LIPA: variants seen among roughly 807,000 people sequenced by gnomAD.
LIPA encodes the protein lipase A, lysosomal acid type.
In LIPA, 26 loss-of-function variants were observed where a neutral mutation model predicts 40.6. The ratio of observed to expected loss-of-function variants is 0.64; its 90% CI spans 0.47 to 0.89. LIPA has a LOEUF of 0.89. Among genes scored for constraint, LIPA ranks in the 40% least tolerant of loss-of-function variants. The pLI is 0.00. For missense variants in LIPA, 455 were observed against 479.6 expected, an observed-to-expected ratio of 0.95 and a Z score of 0.48; for synonymous variants, 188 against 168.4, an observed-to-expected ratio of 1.12 and a Z score of -0.90.
intron 2 of LIPA, among the ~76,000 whole-genome samples, chr10:89,386,467 C>G (rs1440067072): frequency 1.3e-5 from 2 of 152,212 alleles, no homozygotes; most frequent in African/African-American, 4.8e-5. Flanking sequence ...TGACTTTTCC[C>G]TGTAAACAAG....
At chr10:89,403,748 A>C (rs754156662) in intron 2 of LIPA, 1 of 1,131,218 alleles carries the variant, frequency 8.8e-7, no homozygotes, top group Non-Finnish European at 1.3e-6. Flanking sequence ...ATTTCATTTC[A>C]TTTTATGCTA....
intron 2 of LIPA, among the ~76,000 whole-genome samples, chr10:89,361,875 CTTTTTTTTTTTTTTTTTTTTTTT>C (rs59818683): frequency 2.7e-4 from 11 of 40,410 alleles, no homozygotes; most frequent in Admixed American, 9.0e-4. Context: ...CTCCACCTGC[CTTTTTTTTTTTTTTTTTTTTTTT>C]TTTTTTTTTT....
intron 1 of LIPA, among the ~76,000 whole-genome samples, chr10:89,310,578 T>C (rs1277288812): frequency 6.6e-6 from 1 of 152,090 alleles, no homozygotes; most frequent in Non-Finnish European, 1.5e-5. Flanking sequence ...ACCTCATTGC[T>C]GATTATCTAC....
intron 2 of LIPA, among the ~76,000 whole-genome samples, chr10:89,389,025 C>T (rs772358861): frequency 1.3e-5 from 2 of 152,010 alleles, no homozygotes; most frequent in Non-Finnish European, 2.9e-5. Context: ...TCTCAGAAGC[C>T]AAGAAAATAG....
intron 2 of LIPA, among the ~76,000 whole-genome samples, chr10:89,395,734 T>A (rs75037873): frequency 0.01 from 1,523 of 152,166 alleles, 24 homozygotes; most frequent in African/African-American, 0.035. Context: ...ATTGTAAATA[T>A]CCATGACCAA....
At chr10:89,407,619 C>T (rs569764679) in intron 2 of LIPA, among the ~76,000 whole-genome samples, 5 of 152,204 alleles carry the variant, frequency 3.3e-5, no homozygotes, top group Non-Finnish European at 7.3e-5. Context: ...ACGCTTCCAA[C>T]TCTGGAGCTC....
intron 1 of LIPA, among the ~76,000 whole-genome samples, chr10:89,295,813 A>G (rs769322640): frequency 6.6e-6 from 1 of 152,258 alleles, no homozygotes; most frequent in Non-Finnish European, 1.5e-5. Flanking sequence ...CAAAATAGAA[A>G]TAACACCAGG....
At chr10:89,379,014 T>C (rs956606153) in intron 2 of LIPA, among the ~76,000 whole-genome samples, 3 of 152,230 alleles carry the variant, frequency 2.0e-5, no homozygotes, top group East Asian at 1.9e-4. Context: ...CCTTTTAATA[T>C]ACAAAATACT....
intron 1 of LIPA, 35 bp from the exon 2 acceptor site, chr10:89,247,684 A>C (rs1203131629): frequency 7.1e-7 from 1 of 1,415,214 alleles, no homozygotes; most frequent in Non-Finnish European, 1.0e-6. Context: ...TATTTGCTTG[A>C]ATTTTACTAC....
At chr10:89,222,605 T>C (rs1842714638) in intron 7 of LIPA, 23 bp from the exon 8 acceptor site, 2 of 1,424,018 alleles carry the variant, frequency 1.4e-6, no homozygotes, top group African/African-American at 1.4e-5. Flanking sequence ...TACATTGAAA[T>C]GAAGAATGAA....
chr10:89,261,951 C>T (rs1428552457), intron 1 of LIPA, among the ~76,000 whole-genome samples: 1 of 152,134 alleles, frequency 6.6e-6, no homozygotes, highest in African/African-American at 2.4e-5. Flanking sequence ...AGTTTCTCTC[C>T]CTCTTTTACT....
rs192502981 is a variant in LIPA, at chr10:89,286,454, C to T, written c.-1-38805G>A. On this transcript the variant is annotated intron_variant, in intron 1 of 5. Coordinates refer to the LIPA transcript ENST00000282673. ...CAGTCCAGCTTCCAGTTTCGTTCTG[C>T]GACTAGCCCTCCCGGACCTGCCCAG... Among the ~76,000 whole-genome samples, 502 of 152,220 alleles carry T rather than the reference C, an allele frequency of 3.3e-3. 1 individual carries two copies. The highest frequency in any genetic ancestry group is 6.0e-3 in the Non-Finnish European group (407 of 68,018).
chr10:89,222,472 A>AT (rs751347179), intron 8 of LIPA, 39 bp downstream of exon 8: 6 of 1,314,568 alleles, frequency 4.6e-6, no homozygotes, highest in Non-Finnish European at 6.6e-6. Flanking sequence ...TCTGATGTTG[A>AT]TTTTACATGA....
chr10:89,392,469 C>CCCCCCG (rs1289545720), intron 2 of LIPA: 1 of 187,528 alleles, frequency 5.3e-6, no homozygotes, highest in Admixed American at 6.5e-5. Context: ...GTTTCATTCC[C>CCCCCCG]CACCCCCCCC....
intron 1 of LIPA, among the ~76,000 whole-genome samples, chr10:89,269,795 T>A (rs972156351): frequency 7.9e-5 from 12 of 152,262 alleles, no homozygotes; most frequent in African/African-American, 2.9e-4. Flanking sequence ...GAGGTTTTTT[T>A]AAACTTTATT....
At chr10:89,289,999 G>A (rs200671109) in intron 1 of LIPA, among the ~76,000 whole-genome samples, 12 of 130,742 alleles carry the variant, frequency 9.2e-5, no homozygotes, top group African/African-American at 2.8e-4. Context: ...AAAAAAAAAG[G>A]GTGGGGGGGA....
At chr10:89,338,691 C>T (rs945652788) in intron 1 of LIPA, 2 of 1,613,154 alleles carry the variant, frequency 1.2e-6, no homozygotes, top group Non-Finnish European at 1.7e-6. Flanking sequence ...TGGAGAAAAT[C>T]CTTCCACAGC....
At chr10:89,263,161 A>G (rs371562211) in intron 1 of LIPA, among the ~76,000 whole-genome samples, 3 of 152,320 alleles carry the variant, frequency 2.0e-5, no homozygotes, top group African/African-American at 7.2e-5. Context: ...CACCGCCTCC[A>G]AGACTCCCTC....
chr10:89,340,096 G>A (rs1156971601), intron 1 of LIPA: 3 of 1,609,318 alleles, frequency 1.9e-6, no homozygotes, highest in East Asian at 2.2e-5. Flanking sequence ...CAGTCCCAGA[G>A]AGCTCCTCTC....
Sources: gnomAD v4.1 joint callset for allele counts (sites outside exome capture counted in the v4.1 genomes callset) on GRCh38, gnomAD v4.1.1 for gene constraint, MANE v1.5 for transcripts, NCBI Gene and HGNC (gene_info 2026-07-23, HGNC 2026-07-21) for gene names.